Variants in SMG6 observed in about 807,000 individuals in gnomAD.
SMG6 encodes SMG6 nonsense mediated mRNA decay factor.
SMG6 carries 66 observed loss-of-function variants against 142.2 expected under a neutral mutation model. The ratio of observed to expected loss-of-function variants is 0.46; its 90% CI spans 0.38 to 0.57. The LOEUF (loss-of-function observed/expected upper bound fraction) is 0.57, where lower values mean the gene tolerates loss of function less well. Among genes scored for constraint, SMG6 ranks in the 20% least tolerant of loss-of-function variants. The probability of loss-of-function intolerance (pLI) is 0.00; values close to 1 mark genes in which losing one functional copy is unlikely to be tolerated. For missense variants in SMG6, 1,793 were observed against 1,832.0 expected, an observed-to-expected ratio of 0.98 and a Z score of 0.39; for synonymous variants, 779 against 702.4, an observed-to-expected ratio of 1.11 and a Z score of -1.72.
In SMG6 at chr17:2,197,334, TG is replaced by T. The variant is rs529927191; in HGVS notation, c.2870-8820del. Among the ~76,000 whole-genome samples, 52 of 151,528 alleles carry T rather than the reference TG, an allele frequency of 3.4e-4. 1 individual carries two copies. The East Asian group carries it at 0.01, about 29-fold the overall frequency. ...ATTCCAGCACGCTGGGAGGCCAAGG[TG>T]GGAGAATTGCTTGAGCCCAGGAGTC... On this transcript the variant is annotated intron_variant, in intron 10 of 18. Coordinates refer to ENST00000263073, the MANE Select transcript of SMG6 (RefSeq NM_017575.5).
chr17:2,135,075 T>C (rs1415638010), intron 13 of SMG6, among the ~76,000 whole-genome samples: 3 of 152,104 alleles, frequency 2.0e-5, no homozygotes, highest in Admixed American at 6.6e-5. Flanking sequence ...AAATGGAGTT[T>C]TGCCATGTTG....
chr17:2,215,283 A>C (rs959581277), intron 10 of SMG6, among the ~76,000 whole-genome samples: 1 of 152,170 alleles, frequency 6.6e-6, no homozygotes, highest in African/African-American at 2.4e-5. Context: ...GGATATTTTT[A>C]GTTTCTACAA....
At chr17:2,121,377 C>A (rs774842295) in intron 13 of SMG6, among the ~76,000 whole-genome samples, 20 of 151,820 alleles carry the variant, frequency 1.3e-4, no homozygotes, top group Non-Finnish European at 2.9e-4. Context: ...AAAGATTAAG[C>A]TAAATGAAAA....
intron 11 of SMG6, among the ~76,000 whole-genome samples, chr17:2,187,176 A>G (rs2072014764): frequency 6.6e-6 from 1 of 152,206 alleles, no homozygotes; most frequent in Non-Finnish European, 1.5e-5. Flanking sequence ...GAATTTAATC[A>G]CAAGGAAACA....
At chr17:2,177,399 A>T (rs1414507036) in intron 12 of SMG6, among the ~76,000 whole-genome samples, 1 of 133,504 alleles carries the variant, frequency 7.5e-6, no homozygotes, top group African/African-American at 2.6e-5. Context: ...AGGAGGAGAG[A>T]GTCTGAAAAG....
intron 10 of SMG6, among the ~76,000 whole-genome samples, chr17:2,201,715 G>C (rs1046173403): frequency 6.6e-6 from 1 of 151,210 alleles, no homozygotes; most frequent in African/African-American, 2.4e-5. Context: ...TAACCACTTT[G>C]GCAGTATCTT....
chr17:2,165,852 C>A (rs1201446001), intron 13 of SMG6, among the ~76,000 whole-genome samples: 1 of 152,126 alleles, frequency 6.6e-6, no homozygotes, highest in Non-Finnish European at 1.5e-5. Context: ...CTGCAGTGAG[C>A]TATGATCACA....
chr17:2,282,926 T>C lies in SMG6; in HGVS notation c.2449-67A>G. The C allele has an allele frequency of 2.0e-6, 3 of 1,517,278 alleles. No individual in the cohort carries two copies. The South Asian group carries it at 3.4e-5, about 17-fold the overall frequency. 94.0% of individuals were successfully genotyped at this position (1,517,278 alleles called of 1,614,324 possible). Reference sequence around the variant, plus strand: ...TGGCTCACGCCTGTAATCCCAGCACTTAGAGATGCGGAGGCAGGCGGATCA... The same window carrying C: ...TGGCTCACGCCTGTAATCCCAGCACCTAGAGATGCGGAGGCAGGCGGATCA... On this transcript the variant is annotated intron_variant, in intron 7 of 18. Coordinates refer to ENST00000263073, the MANE Select transcript of SMG6 (RefSeq NM_017575.5).
chr17:2,077,122 G>A (rs960775200), intron 15 of SMG6, among the ~76,000 whole-genome samples: 4 of 152,180 alleles, frequency 2.6e-5, no homozygotes, highest in Admixed American at 2.6e-4. Flanking sequence ...ACTTGTCAAG[G>A]ACTCTACCAC....
rs149935438 is a variant in SMG6, at chr17:2,105,407, G to A, written c.3358-19506C>T. On this transcript the variant is annotated intron_variant, in intron 13 of 18. Coordinates refer to ENST00000263073, the MANE Select transcript of SMG6 (RefSeq NM_017575.5). The stretch of plus-strand genomic sequence containing the variant: ...CTAAAAATACAAAAATTAGCCGGGC[G>A]TGGTGGCAGGTGCCTGTAATCCCAG... Among the ~76,000 whole-genome samples, 127 of 152,248 alleles carry A rather than the reference G, an allele frequency of 8.3e-4. 3 individuals carry two copies. In the East Asian group the frequency reaches 0.024, roughly 28 times the overall value.
At chr17:2,074,506 C>T (rs2068203027) in intron 15 of SMG6, among the ~76,000 whole-genome samples, 1 of 152,212 alleles carries the variant, frequency 6.6e-6, no homozygotes, top group African/African-American at 2.4e-5. Context: ...CTGCTTAGAA[C>T]TCCTTTTCTG....
chr17:2,112,532 TAAA>T, intron 13 of SMG6, among the ~76,000 whole-genome samples: 1 of 93,450 alleles, frequency 1.1e-5, no homozygotes, highest in Non-Finnish European at 2.3e-5. Context: ...AAAAAATAAA[TAAA>T]TAAATAAATA....
intron 6 of SMG6, among the ~76,000 whole-genome samples, chr17:2,290,675 G>A (rs576847990): frequency 6.6e-6 from 1 of 152,188 alleles, no homozygotes; most frequent in African/African-American, 2.4e-5. Flanking sequence ...ACAAGCCACA[G>A]TCTGGAAGAA....
chr17:2,174,560 A>G (rs913840199), intron 12 of SMG6, among the ~76,000 whole-genome samples: 5 of 152,242 alleles, frequency 3.3e-5, no homozygotes, highest in Non-Finnish European at 5.9e-5. Flanking sequence ...GACGGAACAC[A>G]GCCCCATTAA....
At chr17:2,283,776 G>A (rs375480075) in intron 6 of SMG6, 41 bp from the exon 7 acceptor site, 139 of 1,516,656 alleles carry the variant, frequency 9.2e-5, no homozygotes, top group Middle Eastern at 1.7e-4. Context: ...ACCAATTCTC[G>A]TCCTAACTCC....
At chr17:2,249,212 T>C (rs746184765) in intron 8 of SMG6, among the ~76,000 whole-genome samples, 8 of 151,840 alleles carry the variant, frequency 5.3e-5, no homozygotes, top group South Asian at 2.1e-4. Context: ...CCCAAACCCA[T>C]AGTCACAAAA....
chr17:2,280,782 T>C (rs2074767786), intron 8 of SMG6, among the ~76,000 whole-genome samples: 1 of 152,216 alleles, frequency 6.6e-6, no homozygotes, highest in Non-Finnish European at 1.5e-5. Context: ...ATTATTTGTA[T>C]AATTAGAAAT....
At chr17:2,212,110 T>C (rs1471457725) in intron 10 of SMG6, among the ~76,000 whole-genome samples, 1 of 152,222 alleles carries the variant, frequency 6.6e-6, no homozygotes, top group Non-Finnish European at 1.5e-5. Flanking sequence ...TGAAAATACA[T>C]GTTGTATGGT....
At chr17:2,296,626 A>T (rs891656813) in intron 4 of SMG6, among the ~76,000 whole-genome samples, 1 of 152,170 alleles carries the variant, frequency 6.6e-6, no homozygotes, top group African/African-American at 2.4e-5. Flanking sequence ...TGCACTCCTC[A>T]TGAGAATCTA....
Sources: allele counts gnomAD v4.1 joint callset (sites outside exome capture counted in the v4.1 genomes callset), GRCh38; gene constraint gnomAD v4.1.1; transcripts MANE v1.5; gene names NCBI Gene and HGNC (gene_info 2026-07-23, HGNC 2026-07-21).